The following CSK variants were observed in gnomAD, a reference collection of about 807,000 sequenced individuals.
CSK encodes the protein C-terminal Src kinase, also known as tyrosine-protein kinase CSK.
Under a neutral mutation model 62.3 loss-of-function variants are expected in CSK, and 7 were observed. That is an observed-to-expected ratio of 0.11 (90% CI 0.06 to 0.21). The LOEUF is 0.21. Ranked by LOEUF, CSK falls within the 10% of genes least tolerant of loss-of-function variation. CSK has a pLI of 1.00. For synonymous variants in CSK, 237 were observed against 246.0 expected, an observed-to-expected ratio of 0.96 and a Z score of 0.34; for missense variants, 294 against 613.5, an observed-to-expected ratio of 0.48 and a Z score of 5.50.
intron 1 of CSK, among the ~76,000 whole-genome samples, chr15:74,787,482 A>C (rs1281014591): frequency 6.6e-6 from 1 of 152,106 alleles, no homozygotes; most frequent in Non-Finnish European, 1.5e-5. Flanking sequence ...CCCAGAAAGG[A>C]GAAGTGGTTT....
intron 1 of CSK, among the ~76,000 whole-genome samples, chr15:74,786,013 T>TTTTTTTTTTGTGTG: frequency 2.1e-5 from 1 of 47,816 alleles, no homozygotes; most frequent in African/African-American, 6.7e-5. Flanking sequence ...TTTTTTTTTT[T>TTTTTTTTTTGTGTG]TGTGTGTGTG....
At position 74,802,514 on chromosome 15, in the gene CSK, C is replaced by T. The variant is rs1429002441; in HGVS notation, c.*1C>T. 4.4e-6 allele frequency: 7 copies of T among 1,608,656 alleles called. No individual in the cohort carries two copies. The highest frequency in any genetic ancestry group is 3.4e-5 in the Admixed American group (2 of 59,158). Reference sequence around the variant, plus strand: ...CAAAACCCACGAGCTGCACCTGTGACGGCTGGCCTCCGCCTGGGTCATGGG... The same window carrying T: ...CAAAACCCACGAGCTGCACCTGTGATGGCTGGCCTCCGCCTGGGTCATGGG... On this transcript the variant is annotated 3_prime_UTR_variant, in exon 13 of 13. Transcript: ENST00000220003.
At position 74,802,890 on chromosome 15, in the gene CSK, C is replaced by T. The variant is rs1363264799; in HGVS notation, c.*377C>T. 5.1e-6 allele frequency: 1 copy of T among 196,874 alleles called. No individual in the cohort carries two copies. Among genetic ancestry groups the T allele is most frequent in the Non-Finnish European group, 1.0e-5 (1 of 97,272 alleles). The allele number at this position is 196,874 out of a possible 1,614,324, so 12.2% of individuals were successfully genotyped here. ...AGAAAGAAAGTACCCAGCAAATGGG[C>T]ATTTTACAAGAAGTACGAATCTTAT... On this transcript the variant is annotated 3_prime_UTR_variant, in exon 13 of 13. Coordinates refer to ENST00000220003, the MANE Select transcript of CSK (RefSeq NM_004383.3).
chr15:74,796,357 G>T (rs186389081), intron 1 of CSK, among the ~76,000 whole-genome samples: 1 of 152,120 alleles, frequency 6.6e-6, no homozygotes, highest in Non-Finnish European at 1.5e-5. Flanking sequence ...TGGTCTTGCC[G>T]TCACAGAGGT....
chr15:74,799,586 T>C, intron 5 of CSK, 95 bp downstream of exon 5: 2 of 1,318,572 alleles, frequency 1.5e-6, no homozygotes, highest in Non-Finnish European at 2.1e-6. Flanking sequence ...TGCTTCTGCG[T>C]GGTGACCAGC....
rs2063742827 is a variant in CSK at position 74,798,634 on chromosome 15, C to T, written c.35C>T (p.Thr12Ile). ...TTGCAGGCCGCCTGGCCATCCGGTA[C>T]AGAATGTATTGCCAAGTACAACTTC... is the stretch of plus-strand genomic sequence containing the variant. ...SAIQAAWPSG[T>I]ECIAKYNFHG... Residue 12 changes from threonine (T) to isoleucine (I), a missense_variant, in exon 3 of 13, where the codon ACA becomes ATA. By Grantham distance (89) the Thr-to-Ile change is moderately conservative. Coordinates refer to ENST00000220003, the MANE Select transcript of CSK (RefSeq NM_004383.3). The surrounding 1 kb of genome is among the most constrained non-coding windows in gnomAD (Gnocchi z 6.6). 1 of 1,613,470 alleles carries T rather than the reference C, an allele frequency of 6.2e-7. No individual in the cohort carries two copies. Among genetic ancestry groups the T allele is most frequent in the Non-Finnish European group, 8.5e-7 (1 of 1,180,026 alleles).
At chr15:74,796,593 CAAAA>C (rs553348497) in intron 1 of CSK, among the ~76,000 whole-genome samples, 21 of 98,356 alleles carry the variant, frequency 2.1e-4, no homozygotes, top group African/African-American at 7.9e-4. Flanking sequence ...GACCCTTTCT[CAAAA>C]AAAAAAAAAA....
intron 1 of CSK, among the ~76,000 whole-genome samples, chr15:74,795,746 A>G (rs952923876): frequency 1.3e-5 from 2 of 151,632 alleles, no homozygotes; most frequent in Non-Finnish European, 1.5e-5. Context: ...GAGGGCATCA[A>G]CCTCCTCCCT....
Position 74,798,515 on chromosome 15 carries a change from C to A in CSK, c.16-100C>A. ...CTCCGGGCAGAGCACCTCACCCAGG[C>A]TCACAGAGGCCAGCTCAGAGGCTGT... is the stretch of plus-strand genomic sequence containing the variant. On this transcript the variant is annotated intron_variant, in intron 2 of 12. Coordinates refer to ENST00000220003, the MANE Select transcript of CSK (RefSeq NM_004383.3). The surrounding 1 kb of genome is among the most constrained non-coding windows in gnomAD (Gnocchi z 6.6). 1.5e-6 allele frequency: 2 copies of A among 1,291,572 alleles called. No homozygotes were observed. The highest frequency in any genetic ancestry group is 2.2e-6 in the Non-Finnish European group (2 of 907,002). The allele number at this position is 1,291,572 out of a possible 1,614,324, so 80.0% of individuals were successfully genotyped here.
intron 1 of CSK, among the ~76,000 whole-genome samples, chr15:74,792,882 C>T (rs1239846846): frequency 2.0e-5 from 3 of 152,230 alleles, no homozygotes; most frequent in Non-Finnish European, 4.4e-5. Context: ...CATCCCAAGC[C>T]CCTTGTCCCC....
At chr15:74,786,828 T>C (rs2063529040) in intron 1 of CSK, among the ~76,000 whole-genome samples, 1 of 151,958 alleles carries the variant, frequency 6.6e-6, no homozygotes, top group African/African-American at 2.4e-5. Context: ...AAGGAAGGGG[T>C]CCTCCCCCAG....
Position 74,782,977 on chromosome 15 carries a change from C to T in CSK, c.-66+257C>T, listed in dbSNP as rs896874955. The stretch of plus-strand genomic sequence containing the variant: ...TCTTCTCGGGTCATCCCGAGTCCCC[C>T]CCTCTGTGGAGCTCAGAGTAGGAGG... On this transcript the variant is annotated intron_variant, in intron 1 of 12. Coordinates refer to ENST00000220003, the MANE Select transcript of CSK (RefSeq NM_004383.3). The surrounding 1 kb of genome is among the most constrained non-coding windows in gnomAD (Gnocchi z 5.7). 3.9e-5 allele frequency among the ~76,000 whole-genome samples: 6 copies of T among 152,268 alleles called. No individual in the cohort carries two copies. Among genetic ancestry groups the T allele is most frequent in the African/African-American group, 7.2e-5 (3 of 41,480 alleles).
chr15:74,792,420 C>A (rs1360789993), intron 1 of CSK, among the ~76,000 whole-genome samples: 1 of 152,182 alleles, frequency 6.6e-6, no homozygotes, highest in Admixed American at 6.5e-5. Flanking sequence ...CAGAAGCCAA[C>A]AAGTCCCAGA....
At chr15:74,792,258 A>G (rs944885502) in intron 1 of CSK, among the ~76,000 whole-genome samples, 1 of 152,130 alleles carries the variant, frequency 6.6e-6, no homozygotes, top group Non-Finnish European at 1.5e-5. Context: ...TGGGTACTCC[A>G]GAAGCAGTTG....
At chr15:74,788,978 T>C (rs902916712) in intron 1 of CSK, among the ~76,000 whole-genome samples, 3 of 152,168 alleles carry the variant, frequency 2.0e-5, no homozygotes, top group Admixed American at 1.3e-4. Flanking sequence ...GAGCGGTAAT[T>C]AGAAACCTTT....
At position 74,798,433 on chromosome 15, in the gene CSK, C is replaced by A; in HGVS notation, c.15+121C>A. 1 of 1,377,452 alleles carries A rather than the reference C, an allele frequency of 7.3e-7. No homozygotes were observed. The highest frequency in any genetic ancestry group is 1.0e-6 in the Non-Finnish European group (1 of 988,792). The allele number at this position is 1,377,452 out of a possible 1,614,324, so 85.3% of individuals were successfully genotyped here. A position where few individuals can be genotyped will look rare whatever the true frequency, so the allele number is the denominator to read the frequency against. On this transcript the variant is annotated intron_variant, in intron 2 of 12. Transcript: ENST00000220003. The surrounding 1 kb of genome is among the most constrained non-coding windows in gnomAD (Gnocchi z 6.6). ...ACTCCCCTTTTTCCCAGCACTCAGT[C>A]AGGTACAGGCCTGGGGAAGTGGGGG... is the stretch of plus-strand genomic sequence containing the variant.
Position 74,798,742 on chromosome 15 carries a change from G to A in CSK, c.129+14G>A, listed in dbSNP as rs372611337. The A allele has an allele frequency of 2.5e-6, 4 of 1,611,608 alleles. No homozygotes were observed. Among genetic ancestry groups the A allele is most frequent in the Admixed American group, 1.7e-5 (1 of 59,938 alleles). ...GCCGTCACCAAGGTAATCAGGTGACGCCCACCCCACCATCCCACTGCTGGG... is the reference window on the plus strand; with the variant it reads ...GCCGTCACCAAGGTAATCAGGTGACACCCACCCCACCATCCCACTGCTGGG... On this transcript the variant is annotated intron_variant, in intron 3 of 12. Transcript: ENST00000220003. This position sits in a 1 kb window ranked among gnomAD's most constrained non-coding sequence, Gnocchi z 6.6.
chr15:74,801,165 C>G, intron 9 of CSK, 63 bp downstream of exon 9: 1 of 1,575,368 alleles, frequency 6.3e-7, no homozygotes, highest in African/African-American at 1.3e-5. Flanking sequence ...CCACTGTGCT[C>G]TAGGGCCCCT....
intron 1 of CSK, among the ~76,000 whole-genome samples, chr15:74,790,577 G>A (rs1254479381): frequency 6.6e-6 from 1 of 152,240 alleles, no homozygotes; most frequent in Non-Finnish European, 1.5e-5. Flanking sequence ...GTGAAGCACT[G>A]GTCCTGCCAC....
Sources: allele counts gnomAD v4.1 joint callset (sites outside exome capture counted in the v4.1 genomes callset), GRCh38; gene constraint gnomAD v4.1.1; non-coding constraint Gnocchi (gnomAD v3.1); transcripts MANE v1.5; gene names NCBI Gene and HGNC (gene_info 2026-07-23, HGNC 2026-07-21).